DTD1: variants seen among roughly 807,000 people sequenced by gnomAD.
DTD1 encodes the protein D-tyrosyl-tRNA deacylase 1 homolog.
DTD1 carries 13 observed loss-of-function variants against 25.6 expected under a neutral mutation model. The ratio of observed to expected loss-of-function variants is 0.51; its 90% CI spans 0.33 to 0.81. The LOEUF (loss-of-function observed/expected upper bound fraction) is 0.81. DTD1 is among the 30% of genes least tolerant of loss of function. The pLI, the probability that DTD1 is intolerant of heterozygous loss-of-function variation, is 0.02. For missense variants in DTD1, 193 were observed against 266.4 expected (o/e 0.72, Z 1.92); for synonymous variants, 110 against 103.6 (o/e 1.06, Z -0.37).
At chr20:18,621,260 G>T (rs2122297150) in intron 3 of DTD1, among the ~76,000 whole-genome samples, 1 of 152,282 alleles carries the variant, frequency 6.6e-6, no homozygotes, top group East Asian at 1.9e-4. Flanking sequence ...GTGTCCGCCT[G>T]ATGTCTTCTC....
chr20:18,712,200 G>A (rs2122479358), intron 4 of DTD1, among the ~76,000 whole-genome samples: 1 of 152,136 alleles, frequency 6.6e-6, no homozygotes, highest in African/African-American at 2.4e-5. Flanking sequence ...TTTCATCTTT[G>A]TTTTACAGTG....
chr20:18,722,049 C>T (rs1175349556), intron 4 of DTD1, among the ~76,000 whole-genome samples: 1 of 152,226 alleles, frequency 6.6e-6, no homozygotes. Flanking sequence ...GCTCTGGATG[C>T]CATTCGGTCT....
intron 4 of DTD1, among the ~76,000 whole-genome samples, chr20:18,727,420 G>A (rs891191828): frequency 2.6e-5 from 4 of 151,584 alleles, no homozygotes; most frequent in Admixed American, 1.3e-4. Context: ...GGGTGGCGAG[G>A]AGACTGGTGA....
At chr20:18,695,898 G>C (rs1300555810) in intron 4 of DTD1, among the ~76,000 whole-genome samples, 1 of 151,936 alleles carries the variant, frequency 6.6e-6, no homozygotes, top group Non-Finnish European at 1.5e-5. Flanking sequence ...AGCTGGCCAT[G>C]GATTCCTGGG....
chr20:18,747,595 C>T (rs2061305287), intron 5 of DTD1, among the ~76,000 whole-genome samples: 2 of 152,200 alleles, frequency 1.3e-5, no homozygotes, highest in Non-Finnish European at 2.9e-5. Context: ...GTTTCCACTC[C>T]TGGGGTTCAG....
At chr20:18,726,812 G>C (rs922435483) in intron 4 of DTD1, among the ~76,000 whole-genome samples, 1 of 152,120 alleles carries the variant, frequency 6.6e-6, no homozygotes, top group Non-Finnish European at 1.5e-5. Flanking sequence ...TTGTACTTTT[G>C]CTCACAGTCC....
intron 4 of DTD1, among the ~76,000 whole-genome samples, chr20:18,653,853 A>G (rs1464170039): frequency 6.6e-6 from 1 of 152,230 alleles, no homozygotes; most frequent in Non-Finnish European, 1.5e-5. Flanking sequence ...GAGAACAAAC[A>G]GTTTTAAAGT....
At chr20:18,708,300 A>C (rs1394953982) in intron 4 of DTD1, among the ~76,000 whole-genome samples, 1 of 50,952 alleles carries the variant, frequency 2.0e-5, no homozygotes, top group Admixed American at 3.2e-4. Flanking sequence ...TATATATAAT[A>C]TATATATTTT....
chr20:18,641,181 T>G (rs2060826728), intron 4 of DTD1, among the ~76,000 whole-genome samples: 1 of 152,142 alleles, frequency 6.6e-6, no homozygotes, highest in Admixed American at 6.5e-5. Context: ...TGTGTCAGAG[T>G]TTTCTTTTTA....
At chr20:18,660,067 A>G (rs1021650415) in intron 4 of DTD1, among the ~76,000 whole-genome samples, 5 of 151,978 alleles carry the variant, frequency 3.3e-5, no homozygotes, top group African/African-American at 1.2e-4. Flanking sequence ...GTGAGACCCT[A>G]TCTCTACTAA....
intron 4 of DTD1, chr20:18,674,359 G>C (rs1250459652): frequency 6.6e-6 from 1 of 152,204 alleles, no homozygotes; most frequent in Non-Finnish European, 1.5e-5. Context: ...TAGGGAGGCA[G>C]TTAACCCAAG....
chr20:18,588,698 C>G, intron 1 of DTD1: 1 of 985,126 alleles, frequency 1.0e-6, no homozygotes, highest in Non-Finnish European at 1.2e-6. Flanking sequence ...GGACGCCCCT[C>G]GCCCTCGCCC....
At chr20:18,663,529 T>C (rs551321519) in intron 4 of DTD1, among the ~76,000 whole-genome samples, 1 of 152,340 alleles carries the variant, frequency 6.6e-6, no homozygotes, top group Non-Finnish European at 1.5e-5. Flanking sequence ...TTCATCTATA[T>C]ATCCACATGA....
chr20:18,599,211 G>T (rs1193516788), intron 3 of DTD1, among the ~76,000 whole-genome samples: 1 of 152,090 alleles, frequency 6.6e-6, no homozygotes, highest in Non-Finnish European at 1.5e-5. Flanking sequence ...GTTTTGCTCT[G>T]TTGCCCAGGC....
chr20:18,755,741 A>G (rs181138476), intron 5 of DTD1, among the ~76,000 whole-genome samples: 3 of 152,110 alleles, frequency 2.0e-5, no homozygotes, highest in East Asian at 3.8e-4. Context: ...ACGTGTGCAT[A>G]TGTCTTTATA....
intron 3 of DTD1, 129 bp from the exon 4 acceptor site, chr20:18,627,998 T>G: frequency 1.3e-6 from 1 of 757,006 alleles, no homozygotes; most frequent in Non-Finnish European, 2.1e-6. Context: ...TTAAACCTCT[T>G]TCTTTTGTAA....
At chr20:18,590,315 T>C (rs2060583972) in intron 1 of DTD1, among the ~76,000 whole-genome samples, 1 of 152,216 alleles carries the variant, frequency 6.6e-6, no homozygotes, top group Admixed American at 6.5e-5. Flanking sequence ...GTAGTTAGAC[T>C]ACAGGCGTGT....
intron 4 of DTD1, among the ~76,000 whole-genome samples, chr20:18,727,073 G>A (rs1443504039): frequency 3.3e-5 from 5 of 152,240 alleles, no homozygotes; most frequent in African/African-American, 9.6e-5. Context: ...TGACAGAGGA[G>A]TCCTTGGCAG....
At chr20:18,594,751 G>A (rs1192671475) in intron 2 of DTD1, among the ~76,000 whole-genome samples, 1 of 152,170 alleles carries the variant, frequency 6.6e-6, no homozygotes, top group East Asian at 1.9e-4. Flanking sequence ...TTTAGTAGCT[G>A]TCCTCTGGAT....
Sources: allele counts gnomAD v4.1 joint callset (sites outside exome capture counted in the v4.1 genomes callset), GRCh38; gene constraint gnomAD v4.1.1; transcripts MANE v1.5; gene names NCBI Gene and HGNC (gene_info 2026-07-23, HGNC 2026-07-21).